Variants in KIF21A observed in about 807,000 individuals in gnomAD.
KIF21A encodes the protein kinesin family member 21A, also known as kinesin-like protein KIF21A.
KIF21A carries 114 observed loss-of-function variants against 202.9 expected under a neutral mutation model. The observed-to-expected ratio is 0.56, with a 90% confidence interval of 0.48 to 0.66. KIF21A has a LOEUF of 0.66. Among genes scored for constraint, KIF21A ranks in the 30% least tolerant of loss-of-function variants. The pLI is 0.00. For synonymous variants in KIF21A, 667 were observed against 670.8 expected, an observed-to-expected ratio of 0.99 and a Z score of 0.09; for missense variants, 1,677 against 1,994.9, an observed-to-expected ratio of 0.84 and a Z score of 3.04.
chr12:39,354,313 G>A (rs575138449), intron 10 of KIF21A, among the ~76,000 whole-genome samples: 22 of 152,106 alleles, frequency 1.4e-4, no homozygotes, highest in African/African-American at 5.1e-4. Context: ...ATATATTACC[G>A]CTTTTCAAAG....
At chr12:39,389,019 AT>A (rs529250951) in intron 1 of KIF21A, among the ~76,000 whole-genome samples, 1 of 152,268 alleles carries the variant, frequency 6.6e-6, no homozygotes, top group East Asian at 1.9e-4. Context: ...TAAATTTTGT[AT>A]TAGTACATAT....
intron 17 of KIF21A, among the ~76,000 whole-genome samples, chr12:39,336,608 A>G (rs1432827691): frequency 2.0e-5 from 3 of 152,140 alleles, no homozygotes; most frequent in Admixed American, 2.0e-4. Context: ...TACTTGTTTT[A>G]CATTATTTTC....
Position 39,318,080 on chromosome 12 carries a change from G to T in KIF21A, c.3901C>A (p.Gln1301Lys), listed in dbSNP as rs1944768695. Residue 1301 changes from glutamine to lysine, a missense_variant, in exon 29 of 38, where the codon CAG becomes AAG. Around this residue, in one of 3 missense-constraint regions of KIF21A, gnomAD observed 705 missense variants for 791.9 expected, o/e 0.89. Transcript: ENST00000361418. ...TVSQGNTSVQQDKSDESDSSL... is the reference protein window; with the variant it reads ...TVSQGNTSVQKDKSDESDSSL... Reference sequence around the variant, plus strand: ...TTTTCCATAATGACTTACTTATCCTGCTGAACTGATGTGTTTCCCTGAGAA... The same window carrying T: ...TTTTCCATAATGACTTACTTATCCTTCTGAACTGATGTGTTTCCCTGAGAA... 6.2e-7 allele frequency: 1 copy of T among 1,612,194 alleles called. No homozygotes were observed. The highest frequency in any genetic ancestry group is 8.5e-7 in the Non-Finnish European group (1 of 1,178,794).
chr12:39,423,467 G>C (rs1453803608), intron 1 of KIF21A, among the ~76,000 whole-genome samples: 8 of 151,722 alleles, frequency 5.3e-5, no homozygotes, highest in African/African-American at 1.9e-4. Context: ...AGCATTCTTG[G>C]CAACTTCAAA....
At chr12:39,360,021 C>T (rs998099779) in intron 7 of KIF21A, among the ~76,000 whole-genome samples, 2 of 152,066 alleles carry the variant, frequency 1.3e-5, no homozygotes, top group Non-Finnish European at 2.9e-5. Context: ...GGGAAGGACT[C>T]GCCTTTAACA....
rs1942969389 is a variant in KIF21A, at chr12:39,301,637, C to A, written c.4774G>T (p.Val1592Leu). The change falls in exon 37 of 38, where the codon GTG (valine) becomes TTG (leucine). Residue 1592 changes from valine to leucine, a missense_variant. By Grantham distance (32) the Val-to-Leu change is conservative (BLOSUM62 1). Coordinates refer to ENST00000361418, the MANE Select transcript of KIF21A (RefSeq NM_001173464.2). ...AGCAAAACTGGGTGGTCTGGCACCA[C>A]TCCCAGGGCACAGACCCAATCCTTA... ...AHKDWVCALG[V>L]VPDHPVLLSG... 1.2e-6 allele frequency: 2 copies of A among 1,613,948 alleles called. No individual in the cohort carries two copies. Among genetic ancestry groups the A allele is most frequent in the Non-Finnish European group, 1.7e-6 (2 of 1,180,002 alleles).
At chr12:39,425,621 G>T (rs1397269600) in intron 1 of KIF21A, among the ~76,000 whole-genome samples, 1 of 152,088 alleles carries the variant, frequency 6.6e-6, no homozygotes, top group East Asian at 1.9e-4. Flanking sequence ...TAAACTTACT[G>T]TCATATAATA....
chr12:39,321,146 G>A (rs946214798), intron 27 of KIF21A, among the ~76,000 whole-genome samples: 3 of 151,952 alleles, frequency 2.0e-5, no homozygotes, highest in Admixed American at 6.6e-5. Flanking sequence ...GTAAAATTAC[G>A]CAGTAATGGC....
In KIF21A at chr12:39,363,131, G is replaced by A. The variant is rs1024080688; in HGVS notation, c.986C>T (p.Thr329Ile). The change falls in exon 7 of 38, where the codon ACA (threonine) becomes ATA (isoleucine). Residue 329 changes from threonine to isoleucine, a missense_variant. Thr to Ile is a moderately conservative substitution (Grantham distance 89, BLOSUM62 -1). Coordinates refer to ENST00000361418, the MANE Select transcript of KIF21A (RefSeq NM_001173464.2). The part of the protein sequence containing the change: ...THVPYRDSKL[T>I]RLLQDSLGGN... ...CCCGAGGGAATCCTGTAGTAGTCTT[G>A]TTAGCTTGGAATCTCTATAGGGGAC... The A allele has an allele frequency of 3.7e-6, 6 of 1,612,684 alleles. No individual in the cohort carries two copies. Among genetic ancestry groups the A allele is most frequent in the East Asian group, 2.2e-5 (1 of 44,784 alleles).
chr12:39,331,965 T>C, intron 21 of KIF21A, 174 bp from the exon 22 acceptor site: 1 of 685,780 alleles, frequency 1.5e-6, no homozygotes, highest in Non-Finnish European at 2.6e-6. Flanking sequence ...AAAAGACACA[T>C]TTAAGCAGTT....
At chr12:39,423,141 C>T (rs1954439598) in intron 1 of KIF21A, among the ~76,000 whole-genome samples, 1 of 152,124 alleles carries the variant, frequency 6.6e-6, no homozygotes. Context: ...TATTAGAACA[C>T]TCATCTATAC....
chr12:39,337,278 G>T, intron 16 of KIF21A, 75 bp from the exon 17 acceptor site: 1 of 950,596 alleles, frequency 1.1e-6, no homozygotes, highest in Non-Finnish European at 1.7e-6. Flanking sequence ...ATATATGGAA[G>T]TAAGTTCTTA....
At chr12:39,394,765 C>CTAA (rs1951610963) in intron 1 of KIF21A, among the ~76,000 whole-genome samples, 1 of 152,136 alleles carries the variant, frequency 6.6e-6, no homozygotes, top group African/African-American at 2.4e-5. Context: ...TCACAGCGAC[C>CTAA]TAATATATAG....
rs1565629740 is a variant in KIF21A at position 39,301,475 on chromosome 12, CTT to C, written c.4931+3_4931+4del. 2 of 1,611,220 alleles carry C rather than the reference CTT, an allele frequency of 1.2e-6. No homozygotes were observed. Among genetic ancestry groups the C allele is most frequent in the Non-Finnish European group, 1.7e-6 (2 of 1,177,390 alleles). Reference sequence around the variant, plus strand: ...TATAGAGAAAAATCATATAAGAAAACTTACTCAGCTGCAGTAAAAATGTGGGT... The same window carrying C: ...TATAGAGAAAAATCATATAAGAAAACACTCAGCTGCAGTAAAAATGTGGGT... On this transcript the variant is annotated splice_donor_region_variant and intron_variant, in intron 37 of 37. Coordinates refer to ENST00000361418, the MANE Select transcript of KIF21A (RefSeq NM_001173464.2).
intron 1 of KIF21A, among the ~76,000 whole-genome samples, chr12:39,396,192 G>C (rs888948590): frequency 1.3e-5 from 2 of 152,110 alleles, no homozygotes; most frequent in African/African-American, 4.8e-5. Flanking sequence ...CCCATACCAA[G>C]TTGCCCTTTA....
At chr12:39,343,800 A>G (rs1201514574) in intron 12 of KIF21A, among the ~76,000 whole-genome samples, 2 of 152,204 alleles carry the variant, frequency 1.3e-5, no homozygotes, top group Non-Finnish European at 2.9e-5. Flanking sequence ...TTGCCTCCGC[A>G]TTACATCCCT....
chr12:39,329,913 T>C (rs966893269), intron 24 of KIF21A: 1 of 234,898 alleles, frequency 4.3e-6, no homozygotes, highest in Non-Finnish European at 8.4e-6. Flanking sequence ...TATTTAAAAA[T>C]TTTAACGGAA....
intron 1 of KIF21A, among the ~76,000 whole-genome samples, chr12:39,429,274 A>C (rs1955000183): frequency 6.6e-6 from 1 of 152,230 alleles, no homozygotes; most frequent in Non-Finnish European, 1.5e-5. Flanking sequence ...AAGATTAAGA[A>C]AACATTTTAT....
intron 21 of KIF21A, 37 bp downstream of exon 21, chr12:39,332,177 T>C (rs1283953418): frequency 1.3e-6 from 2 of 1,578,450 alleles, no homozygotes; most frequent in East Asian, 2.2e-5. Context: ...AAAAGTACTT[T>C]TCATTAAACC....
Sources: allele counts gnomAD v4.1 joint callset (sites outside exome capture counted in the v4.1 genomes callset), GRCh38; gene constraint gnomAD v4.1.1; regional missense constraint gnomAD v4.1.1; transcripts MANE v1.5; gene names NCBI Gene and HGNC (gene_info 2026-07-23, HGNC 2026-07-21).